The following DMD variants were observed in gnomAD, a reference collection of about 807,000 sequenced individuals.
DMD encodes the protein dystrophin.
In DMD, 63 loss-of-function variants were observed where a neutral mutation model predicts 330.1. The ratio of observed to expected loss-of-function variants is 0.19; its 90% CI spans 0.16 to 0.24. The LOEUF is 0.24. Among genes scored for constraint, DMD ranks in the 10% least tolerant of loss-of-function variants. The pLI is 1.00. For synonymous variants in DMD, 1,223 were observed against 959.8 expected (o/e 1.27, Z -5.07); for missense variants, 3,344 against 2,684.1 (o/e 1.25, Z -5.43).
intron 1 of DMD, among the ~76,000 whole-genome samples, chrX:33,278,790 C>T (rs1297404737): frequency 9.0e-6 from 1 of 111,481 alleles, no homozygotes; most frequent in Non-Finnish European, 1.9e-5. Flanking sequence ...CTAATTTACA[C>T]TCCCACAAAC....
At chrX:33,077,841 A>G in intron 1 of DMD, among the ~76,000 whole-genome samples, 1 of 112,262 alleles carries the variant, frequency 8.9e-6, no homozygotes, top group Non-Finnish European at 1.9e-5. Context: ...TTTACTATAG[A>G]TTTTCTTTTG....
chrX:32,749,728 ACT>A (rs1307956025), intron 7 of DMD, among the ~76,000 whole-genome samples: 1 of 112,242 alleles, frequency 8.9e-6, no homozygotes, highest in African/African-American at 3.2e-5. Flanking sequence ...TCTCTTTAAG[ACT>A]CTGATAATTG....
At chrX:32,746,518 T>C (rs1471406741) in intron 7 of DMD, among the ~76,000 whole-genome samples, 1 of 111,797 alleles carries the variant, frequency 8.9e-6, no homozygotes, top group South Asian at 3.8e-4. Flanking sequence ...CCAGACTTAC[T>C]TGGTTAGTAT....
At chrX:32,175,873 G>C (rs944651660) in intron 44 of DMD, among the ~76,000 whole-genome samples, 1 of 111,739 alleles carries the variant, frequency 8.9e-6, no homozygotes, top group African/African-American at 3.3e-5. Context: ...GGAGGTGAAC[G>C]TTCATTAAGA....
chrX:32,526,147 C>A, intron 17 of DMD, among the ~76,000 whole-genome samples: 1 of 111,869 alleles, frequency 8.9e-6, no homozygotes, highest in South Asian at 3.7e-4. Flanking sequence ...TTATCAGACT[C>A]TATCCCTTAA....
At chrX:32,775,017 G>A (rs2073996926) in intron 7 of DMD, among the ~76,000 whole-genome samples, 1 of 112,155 alleles carries the variant, frequency 8.9e-6, no homozygotes, top group African/African-American at 3.2e-5. Context: ...CATTCTAAAT[G>A]GGGGAAACTG....
intron 66 of DMD, 97 bp from the exon 67 acceptor site, chrX:31,204,215 G>C (rs2043823564): frequency 5.2e-6 from 4 of 762,108 alleles, no homozygotes; most frequent in African/African-American, 2.1e-5. Context: ...CAATTCTCAA[G>C]AGTAGCCAGT....
chrX:31,500,445 G>T (rs1367691857), intron 56 of DMD, among the ~76,000 whole-genome samples: 1 of 112,307 alleles, frequency 8.9e-6, no homozygotes, highest in Non-Finnish European at 1.9e-5. Context: ...GGTGGCATTT[G>T]TCAGTGACTT....
chrX:32,362,883 T>C lies in DMD; in HGVS notation c.5230A>G (p.Asn1744Asp), dbSNP rs376234802. Reference sequence around the variant, plus strand: ...AATTTCCTGCAGTGGTCACCGCGGTTTGCCATCAAGTTTGCTGCTTGGTCA... The same window carrying C: ...AATTTCCTGCAGTGGTCACCGCGGTCTGCCATCAAGTTTGCTGCTTGGTCA... Reference protein sequence around the residue: ...TRDQAANLMANRGDHCRKLVE... With the variant: ...TRDQAANLMADRGDHCRKLVE... The change falls in exon 37 of 79, where the codon AAC (asparagine) becomes GAC (aspartate). Residue 1744 changes from asparagine to aspartate, a missense_variant. By Grantham distance (23) the Asn-to-Asp change is conservative. Coordinates refer to ENST00000357033, the MANE Select transcript of DMD (RefSeq NM_004006.3). 4.1e-6 allele frequency: 5 copies of C among 1,208,381 alleles called. No individual in the cohort carries two copies. Among genetic ancestry groups the C allele is most frequent in the African/African-American group, 3.5e-5 (2 of 56,911 alleles).
At chrX:31,463,140 G>A (rs1482657298) in intron 59 of DMD, among the ~76,000 whole-genome samples, 2 of 112,269 alleles carry the variant, frequency 1.8e-5, no homozygotes, top group African/African-American at 6.5e-5. Context: ...AGATAGGTAA[G>A]TGGAAGCGGG....
In DMD at chrX:31,470,256, C is replaced by T. The variant is rs183290059; in HGVS notation, c.8937+7850G>A. ...ATCATTTGGAGGAGAAGAGGCGTTC[C>T]GGTTTTTGGAATTTTCAGGCTTTTT... On this transcript the variant is annotated intron_variant, in intron 59 of 78. Transcript: ENST00000357033. Among the ~76,000 whole-genome samples, 334 of 111,389 alleles carry T rather than the reference C, an allele frequency of 3.0e-3. 1 individual carries two copies. The highest frequency in any genetic ancestry group is 9.9e-3 in the African/African-American group (305 of 30,665).
chrX:33,119,341 C>A lies in DMD; in HGVS notation c.31+91941G>T, dbSNP rs1408198440. Reference sequence around the variant, plus strand: ...CAATACCTACTCCTCTTTGCTAAGGCATCAGATGATGTTGTTTGTGACTCA... The same window carrying A: ...CAATACCTACTCCTCTTTGCTAAGGAATCAGATGATGTTGTTTGTGACTCA... On this transcript the variant is annotated intron_variant, in intron 1 of 78. Coordinates refer to ENST00000357033, the MANE Select transcript of DMD (RefSeq NM_004006.3). Among the ~76,000 whole-genome samples the A allele has an allele frequency of 2.7e-5, 3 of 112,696 alleles. No individual in the cohort carries two copies. The East Asian group carries it at 8.4e-4, about 31-fold the overall frequency.
chrX:31,749,138 T>TTTA (rs60724705), intron 51 of DMD, among the ~76,000 whole-genome samples: 18 of 107,646 alleles, frequency 1.7e-4, no homozygotes, highest in South Asian at 4.1e-4. Flanking sequence ...ATTTTGAGAT[T>TTTA]TTATTATTAT....
chrX:32,398,413 T>C (rs1054513684), intron 30 of DMD, among the ~76,000 whole-genome samples: 1 of 110,627 alleles, frequency 9.0e-6, no homozygotes, highest in Non-Finnish European at 1.9e-5. Context: ...CCTTGACATA[T>C]GAGTTTTGTG....
At position 33,288,345 on chromosome X, in the gene DMD, A is replaced by C. The variant is rs775025970; in HGVS notation, c.7+50914T>G. Among the ~76,000 whole-genome samples the C allele has an allele frequency of 4.5e-5, 5 of 111,706 alleles. No individual in the cohort carries two copies. In the South Asian group the frequency reaches 1.9e-3, roughly 42 times the overall value. ...GTTATCTGTTCCTATTTATGTGGTCATCCAGTTTTTGAAATTTTTTAACTA... is the reference window on the plus strand; with the variant it reads ...GTTATCTGTTCCTATTTATGTGGTCCTCCAGTTTTTGAAATTTTTTAACTA... On this transcript the variant is annotated intron_variant, in intron 1 of 17. Transcript: ENST00000288447.
intron 54 of DMD, among the ~76,000 whole-genome samples, chrX:31,628,943 A>ATATATATAT (rs756897440): frequency 9.9e-5 from 7 of 70,667 alleles, no homozygotes; most frequent in Non-Finnish European, 2.0e-4. Flanking sequence ...TATATATATA[A>ATATATATAT]AATGCATGTA....
chrX:33,128,040 T>C, intron 1 of DMD: 10 of 1,164,043 alleles, frequency 8.6e-6, no homozygotes, highest in Non-Finnish European at 1.1e-5. Flanking sequence ...TCCCAGGGGT[T>C]GCAAATTGAC....
chrX:33,323,170 T>G (rs1253092306), intron 1 of DMD, among the ~76,000 whole-genome samples: 1 of 111,937 alleles, frequency 8.9e-6, no homozygotes, highest in Non-Finnish European at 1.9e-5. Context: ...ACCAACAGGT[T>G]AGAAAATAAA....
At chrX:33,175,094 A>G (rs1478213119) in intron 1 of DMD, among the ~76,000 whole-genome samples, 1 of 112,037 alleles carries the variant, frequency 8.9e-6, no homozygotes, top group Non-Finnish European at 1.9e-5. Flanking sequence ...GAGTTGCAAA[A>G]TATATGAGAT....
Sources: allele counts gnomAD v4.1 joint callset (sites outside exome capture counted in the v4.1 genomes callset), GRCh38; gene constraint gnomAD v4.1.1; transcripts MANE v1.5; gene names NCBI Gene and HGNC (gene_info 2026-07-23, HGNC 2026-07-21).